SLC25A26: variants seen among roughly 807,000 people sequenced by gnomAD.
SLC25A26 encodes the protein solute carrier family 25 member 26.
A neutral mutation model predicts 37.8 loss-of-function variants in SLC25A26; 36 were observed. The observed-to-expected ratio is 0.95, with a 90% CI of 0.73 to 1.26. SLC25A26 has a LOEUF of 1.26. Among genes scored for constraint, SLC25A26 ranks in the 50% most tolerant of loss-of-function variants. The pLI is 0.00. For missense variants in SLC25A26, 390 were observed against 331.1 expected (o/e 1.18, Z -1.38); for synonymous variants, 129 against 122.5 (o/e 1.05, Z -0.35).
At chr3:66,377,049 G>C (rs958479389) in intron 9 of SLC25A26, among the ~76,000 whole-genome samples, 1 of 152,120 alleles carries the variant, frequency 6.6e-6, no homozygotes, top group Non-Finnish European at 1.5e-5. Context: ...TATCTGAGTA[G>C]GTATGGGGAG....
intron 1 of SLC25A26, among the ~76,000 whole-genome samples, chr3:66,159,830 C>T (rs144143481): frequency 0.41 from 62,267 of 151,616 alleles, 12,991 homozygotes; most frequent in African/African-American, 0.46. Context: ...CATTCAGGTC[C>T]CAGGCAACCC....
rs969363076 is a variant in SLC25A26, at chr3:66,185,843, T to C, written c.-353-34899T>C. On this transcript the variant is annotated intron_variant, in intron 1 of 10. Transcript: ENST00000676754. ...CCCTGAAATTAACCCCTACCCTGTA[T>C]CTAAATTTGAACTAGACTTTTACTT... Among the ~76,000 whole-genome samples the C allele has an allele frequency of 2.0e-5, 3 of 152,140 alleles. No homozygotes were observed. The East Asian group carries it at 5.8e-4, about 29-fold the overall frequency.
chr3:66,148,517 A>G (rs1160323802), intron 1 of SLC25A26, among the ~76,000 whole-genome samples: 7 of 152,184 alleles, frequency 4.6e-5, no homozygotes, highest in African/African-American at 1.7e-4. Flanking sequence ...ACCCAGTGAA[A>G]GCCTTAGGCC....
chr3:66,353,694 T>TC lies in SLC25A26; in HGVS notation c.498+7290dup, dbSNP rs150519228. ...GCCAGCATATTTCTTAGACCACCTC[T>TC]CCCCAGTATCCGTTGAATCTGCTGA... On this transcript the variant is annotated intron_variant, in intron 6 of 9. Transcript: ENST00000354883. Among the ~76,000 whole-genome samples, 61 of 152,310 alleles carry TC rather than the reference T, an allele frequency of 4.0e-4. No individual in the cohort carries two copies. In the East Asian group the frequency reaches 0.011, roughly 28 times the overall value.
At chr3:66,369,643 C>G in intron 8 of SLC25A26, 101 bp downstream of exon 8, 1 of 1,000,968 alleles carries the variant, frequency 1.0e-6, no homozygotes, top group Non-Finnish European at 1.5e-6. Flanking sequence ...TACCATTTAC[C>G]TGTAATAGCA....
chr3:66,350,175 C>T (rs1343496320), intron 6 of SLC25A26, among the ~76,000 whole-genome samples: 1 of 152,168 alleles, frequency 6.6e-6, no homozygotes, highest in African/African-American at 2.4e-5. Flanking sequence ...GAATACCATT[C>T]AGGAAAATTT....
intron 5 of SLC25A26, among the ~76,000 whole-genome samples, chr3:66,285,610 C>T (rs1390191381): frequency 7.8e-6 from 1 of 128,012 alleles, no homozygotes; most frequent in Non-Finnish European, 1.6e-5. Context: ...CAGGCACCCA[C>T]CAGCACTCCT....
intron 3 of SLC25A26, among the ~76,000 whole-genome samples, chr3:66,249,485 C>G (rs193275097): frequency 1.2e-3 from 186 of 152,334 alleles, no homozygotes; most frequent in African/African-American, 4.3e-3. Context: ...CTAGTTGTGG[C>G]TTAAGCTGTT....
intron 5 of SLC25A26, among the ~76,000 whole-genome samples, chr3:66,299,140 T>C (rs2074995847): frequency 6.6e-6 from 1 of 152,222 alleles, no homozygotes; most frequent in South Asian, 2.1e-4. Flanking sequence ...ACAGTTCATT[T>C]GATGTGCGTG....
intron 5 of SLC25A26, among the ~76,000 whole-genome samples, chr3:66,263,627 A>G (rs535518298): frequency 2.0e-5 from 3 of 152,170 alleles, no homozygotes; most frequent in African/African-American, 4.8e-5. Context: ...TTGTTATTCT[A>G]GGGTGGCTAA....
intron 5 of SLC25A26, among the ~76,000 whole-genome samples, chr3:66,340,457 T>A (rs1447431715): frequency 1.3e-5 from 2 of 152,254 alleles, no homozygotes; most frequent in East Asian, 3.9e-4. Flanking sequence ...TTTGTGGTTA[T>A]TGCGTCTTGT....
Position 66,346,372 on chromosome 3 carries a change from T to C in SLC25A26, c.462T>C (p.Phe154=), listed in dbSNP as rs551481699. The change falls in exon 6 of 10, where the codon TTT becomes TTC. Residue 154 remains phenylalanine, a synonymous_variant. Transcript: ENST00000354883. ...YKSTVLREIP[F]SLVQFPLWES... ...TTTTTTTCTCTCTTCAGATTCCTTT[T>C]TCTTTGGTCCAGTTTCCCTTATGGG... 31 of 1,495,902 alleles carry C rather than the reference T, an allele frequency of 2.1e-5. No homozygotes were observed. In the African/African-American group the frequency reaches 4.0e-4, roughly 19 times the overall value. 92.7% of individuals were successfully genotyped at this position (1,495,902 alleles called of 1,614,324 possible). A position where few individuals can be genotyped will look rare whatever the true frequency, so the allele number is the denominator to read the frequency against.
intron 5 of SLC25A26, among the ~76,000 whole-genome samples, chr3:66,286,000 T>A (rs1008991800): frequency 6.6e-6 from 1 of 152,244 alleles, no homozygotes; most frequent in Non-Finnish European, 1.5e-5. Context: ...TTATTTGGCA[T>A]CCTTGCATCT....
At chr3:66,370,732 A>G (rs1700304652) in intron 9 of SLC25A26, 130 bp downstream of exon 9, 2 of 684,628 alleles carry the variant, frequency 2.9e-6, no homozygotes, top group Non-Finnish European at 4.9e-6. Context: ...ATTGTGCAAA[A>G]TATTATAGTT....
At chr3:66,371,531 C>A in intron 9 of SLC25A26, 1 of 1,277,136 alleles carries the variant, frequency 7.8e-7, no homozygotes, top group Non-Finnish European at 1.0e-6. Flanking sequence ...TGTGACAACT[C>A]TGAGGGATTG....
intron 5 of SLC25A26, chr3:66,324,204 G>GTT (rs1166974930): frequency 1.4e-4 from 21 of 152,302 alleles, no homozygotes; most frequent in South Asian, 4.2e-4. Context: ...GTGTGTGTGT[G>GTT]TGTGTGTGTG....
intron 1 of SLC25A26, among the ~76,000 whole-genome samples, chr3:66,147,254 C>T (rs768230537): frequency 7.9e-5 from 12 of 151,432 alleles, no homozygotes; most frequent in Middle Eastern, 3.4e-3. Flanking sequence ...ACCTCAACCT[C>T]CTGGGTTCAA....
At chr3:66,190,318 A>G (rs890853186) in intron 1 of SLC25A26, among the ~76,000 whole-genome samples, 2 of 65,060 alleles carry the variant, frequency 3.1e-5, no homozygotes, top group Non-Finnish European at 3.9e-5. Flanking sequence ...CTGTCAAAAA[A>G]AAAAAAAGAA....
chr3:66,308,732 A>G (rs2075296115), intron 5 of SLC25A26, among the ~76,000 whole-genome samples: 1 of 152,124 alleles, frequency 6.6e-6, no homozygotes, highest in African/African-American at 2.4e-5. Flanking sequence ...TTTAGCATGA[A>G]GGGGTGGTTA....
Sources: gnomAD v4.1 joint callset for allele counts (sites outside exome capture counted in the v4.1 genomes callset) on GRCh38, gnomAD v4.1.1 for gene constraint, MANE v1.5 for transcripts, NCBI Gene and HGNC (gene_info 2026-07-23, HGNC 2026-07-21) for gene names.